CCDC154: variants seen among roughly 807,000 people sequenced by gnomAD.
CCDC154 encodes coiled-coil domain-containing protein 154.
In CCDC154, 91 loss-of-function variants were observed where a neutral mutation model predicts 87.5. That is an observed-to-expected ratio of 1.04 (90% CI 0.88 to 1.24). The LOEUF is 1.24. CCDC154 is among the 50% of genes most tolerant of loss of function. The pLI, the probability that CCDC154 is intolerant of heterozygous loss-of-function variation, is 0.00. For synonymous variants in CCDC154, 418 were observed against 400.4 expected (o/e 1.04, Z -0.52); for missense variants, 903 against 879.2 (o/e 1.03, Z -0.34).
chr16:1,443,945 G>A lies in CCDC154; in HGVS notation c.75C>T (p.Asp25=). ...GGCCTCCTGCCAGGAGGAGCCCCAGGTCTTCCAGGGTGACGGCTCTCAGCT... is the reference window on the plus strand; with the variant it reads ...GGCCTCCTGCCAGGAGGAGCCCCAGATCTTCCAGGGTGACGGCTCTCAGCT... ...PSQLRAVTLE[D]LGLLLAGGLA... Residue 25 remains aspartate, a synonymous_variant, in exon 2 of 17, where the codon GAC becomes GAT. Coordinates refer to ENST00000389176, the MANE Select transcript of CCDC154 (RefSeq NM_001143980.3). The A allele has an allele frequency of 7.7e-7, 1 of 1,303,738 alleles. No homozygotes were observed. Among genetic ancestry groups the A allele is most frequent in the Non-Finnish European group, 1.0e-6 (1 of 988,940 alleles). The allele number at this position is 1,303,738 out of a possible 1,614,324, so 80.8% of individuals were successfully genotyped here. A position where few individuals can be genotyped will look rare whatever the true frequency, so the allele number is the denominator to read the frequency against.
At position 1,438,099 on chromosome 16, in the gene CCDC154, T is replaced by C. The variant is rs551468714; in HGVS notation, c.1103A>G (p.Gln368Arg). The C allele has an allele frequency of 6.5e-7, 1 of 1,549,008 alleles. No homozygotes were observed. Among genetic ancestry groups the C allele is most frequent in the Admixed American group, 2.0e-5 (1 of 50,960 alleles). Reference sequence around the variant, plus strand: ...CTGCCGGGCCAGCTCGCCAGCCAGCTGTGCGGCCTCCAGGTTCTCCTGCAC... The same window carrying C: ...CTGCCGGGCCAGCTCGCCAGCCAGCCGTGCGGCCTCCAGGTTCTCCTGCAC... ...AYVQENLEAA[Q>R]LAGELARQEM... is the part of the protein sequence containing the mutation. The change falls in exon 10 of 17, where the codon CAG (glutamine) becomes CGG (arginine). Residue 368 changes from glutamine to arginine, a missense_variant. Physicochemically the swap from Gln to Arg is conservative, Grantham distance 43. Transcript: ENST00000389176.
At chr16:1,436,283 C>T (rs1269480194) in intron 13 of CCDC154, among the ~76,000 whole-genome samples, 162 bp downstream of exon 13, 1 of 152,146 alleles carries the variant, frequency 6.6e-6, no homozygotes, top group Non-Finnish European at 1.5e-5. Flanking sequence ...TCAGAGGCTG[C>T]ACCAGGGTGG....
In CCDC154 at chr16:1,443,503, C is replaced by T. The variant is rs1335620910; in HGVS notation, c.414+3G>A. 6.2e-6 allele frequency: 9 copies of T among 1,460,582 alleles called. No individual in the cohort carries two copies. In the East Asian group the frequency reaches 1.5e-4, roughly 25 times the overall value. 90.5% of individuals were successfully genotyped at this position (1,460,582 alleles called of 1,614,324 possible). On this transcript the variant is annotated splice_donor_region_variant and intron_variant, in intron 3 of 16. Coordinates refer to ENST00000389176, the MANE Select transcript of CCDC154 (RefSeq NM_001143980.3). ...TCGACCTGTGGGTGGGGGAGCCGCT[C>T]ACCTCCGGCGCCTCCTTTTCGGGGG...
intron 14 of CCDC154, 85 bp downstream of exon 14, chr16:1,435,884 G>T: frequency 8.7e-7 from 1 of 1,151,746 alleles, no homozygotes; most frequent in Non-Finnish European, 1.2e-6. Flanking sequence ...GTAGGCTGGG[G>T]GTCCTGCCTC....
chr16:1,438,905 C>T lies in CCDC154; in HGVS notation c.816G>A (p.Glu272=). ...TCTCCAGCTCGCCCCGCAGGCTGCC[C>T]TCCAGCTTCAGCCGTGAGCTCTCCG... ...KASESSRLKL[E]GSLRGELESR... The change falls in exon 8 of 17, where the codon GAG becomes GAA. Residue 272 remains glutamate, a synonymous_variant. Transcript: ENST00000389176. 4.5e-6 allele frequency: 7 copies of T among 1,549,714 alleles called. No homozygotes were observed. The highest frequency in any genetic ancestry group is 6.1e-6 in the Non-Finnish European group (7 of 1,146,700).
intron 14 of CCDC154, among the ~76,000 whole-genome samples, chr16:1,435,698 G>C (rs1040706720): frequency 2.0e-5 from 3 of 152,098 alleles, no homozygotes; most frequent in African/African-American, 7.2e-5. Flanking sequence ...GCTAATTTTT[G>C]TATTTTTAGT....
chr16:1,438,789 C>A (rs751208512), intron 8 of CCDC154, 26 bp downstream of exon 8: 1 of 1,541,378 alleles, frequency 6.5e-7, no homozygotes, highest in Non-Finnish European at 8.7e-7. Flanking sequence ...CCCGGCCCCA[C>A]CTGCCCGCCG....
intron 1 of CCDC154, 82 bp from the exon 2 acceptor site, chr16:1,444,094 C>T (rs917935203): frequency 1.7e-6 from 2 of 1,145,766 alleles, no homozygotes; most frequent in African/African-American, 3.2e-5. Context: ...CAAACCCCCG[C>T]AGGACCCTCG....
chr16:1,439,265 C>A (rs1218674581), intron 6 of CCDC154, 139 bp from the exon 7 acceptor site: 2 of 727,322 alleles, frequency 2.7e-6, no homozygotes, highest in South Asian at 1.8e-5. Flanking sequence ...GCCTGCCACA[C>A]CCTCAGCCGG....
intron 16 of CCDC154, 62 bp downstream of exon 16, chr16:1,434,606 C>T: frequency 1.4e-6 from 2 of 1,402,328 alleles, no homozygotes; most frequent in Admixed American, 2.1e-5. Flanking sequence ...TGCCTGTGGG[C>T]CCCCAGCCCT....
In CCDC154 at chr16:1,438,651, C is replaced by T; in HGVS notation, c.993G>A (p.Leu331=). Residue 331 remains leucine, a synonymous_variant, in exon 9 of 17, where the codon CTG becomes CTA. Transcript: ENST00000389176. ...TCTCCTCGGCCAGTAGGACACGGTT[C>T]AGCGACGCCTGGTTCTGCTGCACAA... ...TKFVQQNQAS[L]NRVLLAEEKA... is the part of the protein sequence containing the mutation. The T allele has an allele frequency of 6.5e-7, 1 of 1,550,140 alleles. No homozygotes were observed. Among genetic ancestry groups the T allele is most frequent in the Non-Finnish European group, 8.7e-7 (1 of 1,146,804 alleles).
intron 9 of CCDC154, 103 bp downstream of exon 9, chr16:1,438,516 G>A (rs1160314354): frequency 8.2e-6 from 9 of 1,102,716 alleles, no homozygotes; most frequent in Non-Finnish European, 1.1e-5. Flanking sequence ...CTGCTCGGGG[G>A]AGGCAAGGTC....
At chr16:1,444,041 C>T (rs1370417147) in intron 1 of CCDC154, 29 bp from the exon 2 acceptor site, 26 of 1,289,810 alleles carry the variant, frequency 2.0e-5, no homozygotes, top group African/African-American at 6.1e-5. Flanking sequence ...GGAGCTTGCC[C>T]CTTGGGGCCC....
intron 3 of CCDC154, 63 bp from the exon 4 acceptor site, chr16:1,443,364 A>G (rs1367230142): frequency 6.6e-7 from 1 of 1,514,594 alleles, no homozygotes. Context: ...CTGCCCCTGG[A>G]GTCCACCCAG....
At position 1,443,729 on chromosome 16, in the gene CCDC154, G is replaced by C. The variant is rs1055619447; in HGVS notation, c.225-34C>G. The C allele has an allele frequency of 3.8e-6, 5 of 1,300,576 alleles. No homozygotes were observed. The African/African-American group carries it at 7.5e-5, about 20-fold the overall frequency. 80.6% of individuals were successfully genotyped at this position (1,300,576 alleles called of 1,614,324 possible). A position where few individuals can be genotyped will look rare whatever the true frequency, so the allele number is the denominator to read the frequency against. On this transcript the variant is annotated intron_variant, in intron 2 of 16. Coordinates refer to ENST00000389176, the MANE Select transcript of CCDC154 (RefSeq NM_001143980.3). Reference sequence around the variant, plus strand: ...GGCGAGAGTGGGCGAGTCTGGCGGTGCCCGCCGTGGAGGCGGAGGCGGCGG... The same window carrying C: ...GGCGAGAGTGGGCGAGTCTGGCGGTCCCCGCCGTGGAGGCGGAGGCGGCGG...
At position 1,439,354 on chromosome 16, in the gene CCDC154, C is replaced by T. The variant is rs2038531278; in HGVS notation, c.676-228G>A. The T allele has an allele frequency of 1.7e-5, 10 of 580,670 alleles. 1 individual carries two copies. In the South Asian group the frequency reaches 2.1e-4, roughly 12 times the overall value. The allele number at this position is 580,670 out of a possible 1,614,324, so 36.0% of individuals were successfully genotyped here. A position where few individuals can be genotyped will look rare whatever the true frequency, so the allele number is the denominator to read the frequency against. On this transcript the variant is annotated intron_variant, in intron 6 of 16. Coordinates refer to ENST00000389176, the MANE Select transcript of CCDC154 (RefSeq NM_001143980.3). ...GGGTTTGTGAAGCATGAGAAGGCCA[C>T]GCTCAGGTGGGGTCCAGACACACTT...
intron 11 of CCDC154, chr16:1,437,329 GA>G (rs1383844603): frequency 7.7e-5 from 14 of 181,390 alleles, no homozygotes; most frequent in Admixed American, 6.1e-4. Flanking sequence ...CCGAGACAGG[GA>G]GGGGCCCAGC....
chr16:1,436,836 G>T, intron 11 of CCDC154, 25 bp from the exon 12 acceptor site: 1 of 1,550,002 alleles, frequency 6.5e-7, no homozygotes, highest in Non-Finnish European at 8.7e-7. Context: ...CCCAGTGAGG[G>T]ACAAAGCCAA....
At chr16:1,441,685 CTG>C (rs1249539212) in intron 6 of CCDC154, among the ~76,000 whole-genome samples, 1 of 152,192 alleles carries the variant, frequency 6.6e-6, no homozygotes, top group African/African-American at 2.4e-5. Context: ...CAGGCGCTGG[CTG>C]TGTGGGGAGG....
Sources: allele counts gnomAD v4.1 joint callset (sites outside exome capture counted in the v4.1 genomes callset), GRCh38; gene constraint gnomAD v4.1.1; transcripts MANE v1.5; gene names NCBI Gene and HGNC (gene_info 2026-07-23, HGNC 2026-07-21).